Variants in SATB2 observed in about 807,000 individuals in gnomAD.
The protein encoded by SATB2 is SATB homeobox 2, also known as DNA-binding protein SATB2.
In SATB2, 1 loss-of-function variant was observed where a neutral mutation model predicts 73.4. That is an observed-to-expected ratio of 0.01 (90% CI 0.00 to 0.06). SATB2 has a LOEUF of 0.06. Among genes scored for constraint, SATB2 ranks in the 10% least tolerant of loss-of-function variants. The pLI, the probability that SATB2 is intolerant of heterozygous loss-of-function variation, is 1.00. For synonymous variants in SATB2, 397 were observed against 367.0 expected (o/e 1.08, Z -0.93); for missense variants, 459 against 945.8 (o/e 0.49, Z 6.75).
intron 3 of SATB2, among the ~76,000 whole-genome samples, chr2:199,404,584 A>G (rs1332558296): frequency 6.6e-6 from 1 of 152,240 alleles, no homozygotes; most frequent in Non-Finnish European, 1.5e-5. Context: ...ATTCATTTAA[A>G]AAGTATGAAC....
At chr2:199,425,272 G>A (rs374931413) in intron 3 of SATB2, among the ~76,000 whole-genome samples, 1 of 152,196 alleles carries the variant, frequency 6.6e-6, no homozygotes. Context: ...GAATGTCTCA[G>A]ATGACCAGTC....
intron 9 of SATB2, among the ~76,000 whole-genome samples, chr2:199,317,552 T>C (rs1372729619): frequency 2.0e-5 from 3 of 152,098 alleles, no homozygotes; most frequent in Admixed American, 6.5e-5. Context: ...TTAAAAGTAT[T>C]TGACATTTTA....
intron 9 of SATB2, among the ~76,000 whole-genome samples, chr2:199,309,432 T>C (rs1027030413): frequency 6.6e-6 from 1 of 152,228 alleles, no homozygotes; most frequent in African/African-American, 2.4e-5. Flanking sequence ...CTTAAAATTA[T>C]CAATAACTCC....
At chr2:199,368,467 G>T in intron 6 of SATB2, 138 bp downstream of exon 6, 1 of 658,620 alleles carries the variant, frequency 1.5e-6, no homozygotes, top group South Asian at 1.7e-5. Flanking sequence ...AGGATCTCAT[G>T]ACAGGAATAT....
upstream of SATB2, among the ~76,000 whole-genome samples, chr2:199,462,925 C>T (rs1409284576): frequency 2.0e-5 from 3 of 152,216 alleles, no homozygotes; most frequent in Non-Finnish European, 4.4e-5. The surrounding 1 kb of genome is among the most constrained non-coding windows in gnomAD (Gnocchi z 5.9). Flanking sequence ...AAGGTCGGCC[C>T]AGGAGCTGCC....
chr2:199,284,037 A>C (rs2105729051), intron 10 of SATB2, among the ~76,000 whole-genome samples: 1 of 152,302 alleles, frequency 6.6e-6, no homozygotes, highest in South Asian at 2.1e-4. Context: ...TTAAAACTAA[A>C]GTGAGCCTAT....
At chr2:199,438,278 C>T (rs1026096119) in intron 2 of SATB2, among the ~76,000 whole-genome samples, 1 of 152,142 alleles carries the variant, frequency 6.6e-6, no homozygotes, top group Non-Finnish European at 1.5e-5. Context: ...GAGCACTGTT[C>T]TAATGAATCT....
chr2:199,283,162 C>G (rs1032779026), intron 10 of SATB2, among the ~76,000 whole-genome samples: 1 of 150,954 alleles, frequency 6.6e-6, no homozygotes, highest in African/African-American at 2.4e-5. Flanking sequence ...CGGCTCACTG[C>G]AAGCTCCGCC....
At chr2:199,354,986 T>C (rs1183385645) in intron 6 of SATB2, among the ~76,000 whole-genome samples, 1 of 152,044 alleles carries the variant, frequency 6.6e-6, no homozygotes, top group African/African-American at 2.4e-5. Flanking sequence ...AAACTTATAT[T>C]CCTCCCTCAG....
chr2:199,292,310 A>G (rs1692891862), intron 10 of SATB2, among the ~76,000 whole-genome samples: 1 of 152,218 alleles, frequency 6.6e-6, no homozygotes, highest in Non-Finnish European at 1.5e-5. Context: ...CTTCCTGGTT[A>G]TTATACTGCA....
In SATB2 at chr2:199,330,588, A is replaced by G. The variant is rs573559132; in HGVS notation, c.1174-1678T>C. Among the ~76,000 whole-genome samples the G allele has an allele frequency of 2.2e-4, 34 of 152,338 alleles. No homozygotes were observed. The South Asian group carries it at 5.0e-3, about 22-fold the overall frequency. ...CCAGATTTCTTGTCATGCTTTTAGA[A>G]GCAACGAGTGAGACACTTATCTTCC... On this transcript the variant is annotated intron_variant, in intron 7 of 10. Transcript: ENST00000417098.
chr2:199,306,240 G>C (rs1687428601), intron 10 of SATB2, among the ~76,000 whole-genome samples: 1 of 152,086 alleles, frequency 6.6e-6, no homozygotes, highest in Non-Finnish European at 1.5e-5. Context: ...TCTAGTGTCA[G>C]TTATTTTTCT....
Position 199,433,501 on chromosome 2 carries a change from A to C in SATB2, c.183T>G (p.Pro61=). The C allele has an allele frequency of 6.2e-7, 1 of 1,614,204 alleles. No homozygotes were observed. The highest frequency in any genetic ancestry group is 8.5e-7 in the Non-Finnish European group (1 of 1,180,020). The change falls in exon 3 of 11, where the codon CCT becomes CCG. Residue 61 remains proline, a synonymous_variant. Coordinates refer to ENST00000417098, the MANE Select transcript of SATB2 (RefSeq NM_001172509.2). The stretch of plus-strand genomic sequence containing the variant: ...CCAACTGCTCCACGACACAAAAGAC[A>C]GGAATCATCAAACCTGAAGGGACAA... ...VAKAVGGLMI[P]VFCVVEQLDG... is the part of the protein sequence containing the mutation.
intron 10 of SATB2, among the ~76,000 whole-genome samples, chr2:199,284,846 C>T (rs192847752): frequency 6.6e-6 from 1 of 151,470 alleles, no homozygotes; most frequent in African/African-American, 2.4e-5. Context: ...TGTCATTATT[C>T]CCCAAACAAT....
chr2:199,338,000 T>TTTACA (rs1688385993), intron 7 of SATB2, among the ~76,000 whole-genome samples: 1 of 152,208 alleles, frequency 6.6e-6, no homozygotes, highest in African/African-American at 2.4e-5. Flanking sequence ...AAAATCATAC[T>TTTACA]GTAAATATAA....
chr2:199,411,526 C>T (rs1299579914), intron 3 of SATB2, among the ~76,000 whole-genome samples: 1 of 152,164 alleles, frequency 6.6e-6, no homozygotes, highest in Non-Finnish European at 1.5e-5. Flanking sequence ...CTCCTCACAA[C>T]ATTATGAGGG....
At chr2:199,307,836 G>C (rs962493099) in intron 10 of SATB2, among the ~76,000 whole-genome samples, 30 of 152,114 alleles carry the variant, frequency 2.0e-4, no homozygotes, top group Non-Finnish European at 4.3e-4. Context: ...TCAAGAAACT[G>C]TGCCTCACTC....
intron 10 of SATB2, among the ~76,000 whole-genome samples, chr2:199,296,564 C>T (rs929147356): frequency 2.6e-5 from 4 of 152,026 alleles, no homozygotes; most frequent in African/African-American, 9.7e-5. Context: ...TGGTAGTGTG[C>T]TCCTGTAGTC....
At chr2:199,431,609 A>G (rs1219932517) in intron 3 of SATB2, among the ~76,000 whole-genome samples, 1 of 152,236 alleles carries the variant, frequency 6.6e-6, no homozygotes, top group East Asian at 1.9e-4. Flanking sequence ...CCTCCACTGT[A>G]GATGACATTT....
Sources: allele counts gnomAD v4.1 joint callset (sites outside exome capture counted in the v4.1 genomes callset), GRCh38; gene constraint gnomAD v4.1.1; non-coding constraint Gnocchi (gnomAD v3.1); transcripts MANE v1.5; gene names NCBI Gene and HGNC (gene_info 2026-07-23, HGNC 2026-07-21).